RPIA: variants seen among roughly 807,000 people sequenced by gnomAD.
RPIA encodes ribose-5-phosphate isomerase.
In RPIA, 29 loss-of-function variants were observed where a neutral mutation model predicts 37.8. The observed-to-expected ratio is 0.77, with a 90% CI of 0.57 to 1.05. The LOEUF is 1.05. RPIA is among the 50% of genes least tolerant of loss of function. RPIA has a pLI of 0.00. For missense variants in RPIA, 385 were observed against 413.6 expected, an observed-to-expected ratio of 0.93 and a Z score of 0.60; for synonymous variants, 167 against 157.0, an observed-to-expected ratio of 1.06 and a Z score of -0.48.
At chr2:88,699,868 A>C in intron 2 of RPIA, 141 bp from the exon 3 acceptor site, 1 of 835,562 alleles carries the variant, frequency 1.2e-6, no homozygotes, top group Non-Finnish European at 2.0e-6. Context: ...CTTTCCCACC[A>C]AGGAGGGGGA....
chr2:88,732,887 G>A (rs982402539), intron 4 of RPIA, among the ~76,000 whole-genome samples: 16 of 152,252 alleles, frequency 1.1e-4, no homozygotes, highest in African/African-American at 3.6e-4. Context: ...CCATTATTAT[G>A]TACCAGCTTT....
At chr2:88,739,525 A>G (rs1030242277) in intron 8 of RPIA, among the ~76,000 whole-genome samples, 1 of 152,246 alleles carries the variant, frequency 6.6e-6, no homozygotes, top group Non-Finnish European at 1.5e-5. Flanking sequence ...TTAATTAAAT[A>G]TACTAAGATT....
intron 3 of RPIA, among the ~76,000 whole-genome samples, chr2:88,704,018 C>T (rs375064589): frequency 6.6e-6 from 1 of 152,174 alleles, no homozygotes; most frequent in Admixed American, 6.5e-5. Flanking sequence ...GCTAAAACAA[C>T]GAGTCACCTT....
At chr2:88,705,829 A>G (rs1409596910) in intron 3 of RPIA, among the ~76,000 whole-genome samples, 1 of 152,230 alleles carries the variant, frequency 6.6e-6, no homozygotes, top group East Asian at 1.9e-4. Flanking sequence ...TCTAATATCT[A>G]GAATCTACAA....
intron 3 of RPIA, among the ~76,000 whole-genome samples, chr2:88,723,110 G>C (rs1169909703): frequency 6.6e-6 from 1 of 152,188 alleles, no homozygotes; most frequent in Non-Finnish European, 1.5e-5. Context: ...AAGTCAGGTA[G>C]AGTTGGTCAA....
chr2:88,734,111 C>T (rs1196545292), intron 4 of RPIA, among the ~76,000 whole-genome samples: 1 of 151,558 alleles, frequency 6.6e-6, no homozygotes, highest in African/African-American at 2.4e-5. Flanking sequence ...GCATTTTTCC[C>T]ACCCCCAGTG....
At chr2:88,692,027 G>T (rs1038634095) in intron 1 of RPIA, 44 bp downstream of exon 1, 7 of 1,541,638 alleles carry the variant, frequency 4.5e-6, no homozygotes, top group Non-Finnish European at 6.1e-6. Flanking sequence ...TGTCCTTGGC[G>T]TGATGGGCTA....
At chr2:88,720,829 C>T (rs1374550804) in intron 3 of RPIA, among the ~76,000 whole-genome samples, 1 of 151,878 alleles carries the variant, frequency 6.6e-6, no homozygotes, top group Non-Finnish European at 1.5e-5. Flanking sequence ...GATCTAGAAC[C>T]AGAAATACCA....
intron 8 of RPIA, among the ~76,000 whole-genome samples, chr2:88,738,734 G>A (rs1673347996): frequency 6.6e-6 from 1 of 152,168 alleles, no homozygotes; most frequent in South Asian, 2.1e-4. Context: ...TTTCATCCAT[G>A]CCTTGGCATA....
In RPIA at chr2:88,694,648, G is replaced by C. The variant is rs1676989977; in HGVS notation, c.285+2665G>C. On this transcript the variant is annotated intron_variant, in intron 1 of 8. Coordinates refer to ENST00000283646, the MANE Select transcript of RPIA (RefSeq NM_144563.3). Reference sequence around the variant, plus strand: ...GGCCCAAAGCAGGCCTCAGAAAACAGAATCTCCCTCTCTTACCTTCTCCTT... The same window carrying C: ...GGCCCAAAGCAGGCCTCAGAAAACACAATCTCCCTCTCTTACCTTCTCCTT... 1.3e-5 allele frequency among the ~76,000 whole-genome samples: 2 copies of C among 152,296 alleles called. 1 individual carries two copies. Among genetic ancestry groups the C allele is most frequent in the Middle Eastern group, 6.8e-3 (2 of 294 alleles).
chr2:88,750,713 A>T lies in RPIA; in HGVS notation c.*635A>T. ...TTTGCTAAGATCTGGGGGTTTCTTC[A>T]TATTCCTGCTGTTGGAAGCAGTTGA... On this transcript the variant is annotated 3_prime_UTR_variant, in exon 9 of 9. Coordinates refer to ENST00000283646, the MANE Select transcript of RPIA (RefSeq NM_144563.3). 1 of 399,172 alleles carries T rather than the reference A, an allele frequency of 2.5e-6. No homozygotes were observed. Among genetic ancestry groups the T allele is most frequent in the Non-Finnish European group, 4.4e-6 (1 of 226,252 alleles). 24.7% of individuals were successfully genotyped at this position (399,172 alleles called of 1,614,324 possible). A position where few individuals can be genotyped will look rare whatever the true frequency, so the allele number is the denominator to read the frequency against.
chr2:88,693,132 T>C (rs966655679), intron 1 of RPIA, among the ~76,000 whole-genome samples: 3 of 152,248 alleles, frequency 2.0e-5, no homozygotes, highest in African/African-American at 7.2e-5. Context: ...AAGCTGAAAT[T>C]TCAAAATATC....
intron 2 of RPIA, among the ~76,000 whole-genome samples, 163 bp from the exon 3 acceptor site, chr2:88,699,846 T>A (rs535867802): frequency 4.7e-4 from 72 of 152,308 alleles, no homozygotes; most frequent in African/African-American, 1.4e-3. Context: ...ATGTGTGAGG[T>A]ACAGTCACCA....
rs895793406 is a variant in RPIA at position 88,750,712 on chromosome 2, C to T, written c.*634C>T. 5.0e-6 allele frequency: 2 copies of T among 399,006 alleles called. No homozygotes were observed. The highest frequency in any genetic ancestry group is 4.1e-5 in the African/African-American group (2 of 48,632). 24.7% of individuals were successfully genotyped at this position (399,006 alleles called of 1,614,324 possible). ...TTTTGCTAAGATCTGGGGGTTTCTT[C>T]ATATTCCTGCTGTTGGAAGCAGTTG... On this transcript the variant is annotated 3_prime_UTR_variant, in exon 9 of 9. Transcript: ENST00000283646.
chr2:88,734,365 T>C (rs770000165), intron 4 of RPIA, among the ~76,000 whole-genome samples, 187 bp from the exon 5 acceptor site: 62 of 152,286 alleles, frequency 4.1e-4, no homozygotes, highest in Non-Finnish European at 7.9e-4. Context: ...CCAAGTCCTG[T>C]GCTGTTTCCC....
At chr2:88,726,629 A>G (rs1474290395) in intron 3 of RPIA, among the ~76,000 whole-genome samples, 1 of 152,242 alleles carries the variant, frequency 6.6e-6, no homozygotes, top group Non-Finnish European at 1.5e-5. Context: ...TTTTATAAGT[A>G]TATGGTAGAG....
chr2:88,735,131 A>G (rs758235418), intron 5 of RPIA, among the ~76,000 whole-genome samples: 22 of 152,224 alleles, frequency 1.4e-4, no homozygotes, highest in Admixed American at 2.6e-4. Context: ...TGAGTGATGC[A>G]GCATTTGTTT....
At chr2:88,708,795 C>T (rs1237091680) in intron 3 of RPIA, among the ~76,000 whole-genome samples, 2 of 144,558 alleles carry the variant, frequency 1.4e-5, no homozygotes, top group Non-Finnish European at 3.0e-5. Context: ...CTCGCTCTGT[C>T]GCCCAGGCTG....
intron 3 of RPIA, among the ~76,000 whole-genome samples, chr2:88,710,571 C>T (rs943481028): frequency 2.0e-5 from 3 of 152,174 alleles, no homozygotes; most frequent in Non-Finnish European, 4.4e-5. Flanking sequence ...AGCCACTCCT[C>T]CCAGTTGTGC....
Sources: gnomAD v4.1 joint callset for allele counts (sites outside exome capture counted in the v4.1 genomes callset) on GRCh38, gnomAD v4.1.1 for gene constraint, MANE v1.5 for transcripts, NCBI Gene and HGNC (gene_info 2026-07-23, HGNC 2026-07-21) for gene names.